Variants in SLC16A11 observed in about 807,000 individuals in gnomAD.
SLC16A11 encodes solute carrier family 16 member 11.
SLC16A11 carries 24 observed loss-of-function variants against 26.0 expected under a neutral mutation model. The ratio of observed to expected loss-of-function variants is 0.92; its 90% confidence interval spans 0.67 to 1.30. SLC16A11 has a LOEUF of 1.30. SLC16A11 is among the 50% of genes most tolerant of loss of function. SLC16A11 has a pLI of 0.00. For missense variants in SLC16A11, 638 were observed against 597.7 expected, an observed-to-expected ratio of 1.07 and a Z score of -0.70; for synonymous variants, 332 against 296.0, an observed-to-expected ratio of 1.12 and a Z score of -1.25.
At position 7,042,806 on chromosome 17, in the gene SLC16A11, C is replaced by G. The variant is rs765828197; in HGVS notation, c.347-43G>C. On this transcript the variant is annotated intron_variant, in intron 3 of 4. Transcript: ENST00000574600. This position sits in a 1 kb window ranked among gnomAD's most constrained non-coding sequence, Gnocchi z 5.9. ...GGGATGGGGGCCGGCACTGGGGACG[C>G]CCGCCCCAGCATTCCCAGCCCGGCT... is the stretch of plus-strand genomic sequence containing the variant. 2 of 1,550,734 alleles carry G rather than the reference C, an allele frequency of 1.3e-6. No individual in the cohort carries two copies. The highest frequency in any genetic ancestry group is 2.7e-5 in the African/African-American group (2 of 73,580).
rs1320209098 is a variant in SLC16A11, at chr17:7,041,847, G to T, written c.1176C>A (p.Ile392=). ...TASFLLSGSL[I]LSGSFIYIGL... is the part of the protein sequence containing the mutation. ...CTATGTAGATGAAGCTGCCGGAGAGGATCAAAGAACCAGACAGGAGGAAAG... is the reference window on the plus strand; with the variant it reads ...CTATGTAGATGAAGCTGCCGGAGAGTATCAAAGAACCAGACAGGAGGAAAG... The change falls in exon 5 of 5, where the codon ATC becomes ATA. Residue 392 remains isoleucine, a synonymous_variant. Coordinates refer to ENST00000574600, the MANE Select transcript of SLC16A11 (RefSeq NM_001370549.1). 6.2e-7 allele frequency: 1 copy of T among 1,614,018 alleles called. No homozygotes were observed. Among genetic ancestry groups the T allele is most frequent in the Non-Finnish European group, 8.5e-7 (1 of 1,179,962 alleles).
At position 7,041,763 on chromosome 17, in the gene SLC16A11, T is replaced by TG. The variant is rs1461142018; in HGVS notation, c.1259dup (p.Glu421ArgfsTer39). Reference sequence around the variant, plus strand: ...GAGCGGGAAGCAGCTCCCCCGTCTCTGGGGGAGGCGTGGCTGGAGGGGAGG... The same window carrying TG: ...GAGCGGGAAGCAGCTCCCCCGTCTCTGGGGGGAGGCGTGGCTGGAGGGGAGG... On this transcript the variant is annotated frameshift_variant, in exon 5 of 5. Transcript: ENST00000574600. LOFTEE classifies it low-confidence loss of function (END_TRUNC). 3 of 1,613,374 alleles carry TG rather than the reference T, an allele frequency of 1.9e-6. No individual in the cohort carries two copies. The Admixed American group carries it at 5.0e-5, about 27-fold the overall frequency.
At chr17:7,043,261 C>A (rs1366499098) in intron 2 of SLC16A11, 51 bp downstream of exon 2, 1 of 1,565,174 alleles carries the variant, frequency 6.4e-7, no homozygotes, top group Non-Finnish European at 8.6e-7. Flanking sequence ...CATCCCTCCA[C>A]TCACGGCTCC....
Position 7,041,924 on chromosome 17 carries a change from A to G in SLC16A11, c.1115-16T>C, listed in dbSNP as rs753103763. 1.6e-5 allele frequency: 26 copies of G among 1,611,862 alleles called. No homozygotes were observed. The highest frequency in any genetic ancestry group is 6.7e-5 in the Admixed American group (4 of 59,852). On this transcript the variant is annotated splice_polypyrimidine_tract_variant and intron_variant, in intron 4 of 4. Coordinates refer to ENST00000574600, the MANE Select transcript of SLC16A11 (RefSeq NM_001370549.1). Reference sequence around the variant, plus strand: ...CTTAGGAAGCCTGAGGAGATGGGTAAGGGCATTTAGAAGCCTCGAACCCCA... The same window carrying G: ...CTTAGGAAGCCTGAGGAGATGGGTAGGGGCATTTAGAAGCCTCGAACCCCA...
rs1177673954 is a variant in SLC16A11, at chr17:7,043,002, A to G, written c.274T>C (p.Ser92Pro). The part of the protein sequence containing the change: ...PVVMVGGVLA[S>P]LGFVFSAFAS... ...AAAGCCGAGAAGACGAAGCCCAGCGAGGCGAGGACGCCCCCAACCATCACC... is the reference window on the plus strand; with the variant it reads ...AAAGCCGAGAAGACGAAGCCCAGCGGGGCGAGGACGCCCCCAACCATCACC... Residue 92 changes from serine (S) to proline (P), a missense_variant, in exon 3 of 5, where the codon TCG (serine) becomes CCG (proline). Physicochemically the swap from Ser to Pro is moderately conservative, Grantham distance 74 (BLOSUM62 -1). Transcript: ENST00000574600. 4.4e-6 allele frequency: 7 copies of G among 1,604,174 alleles called. No individual in the cohort carries two copies. The highest frequency in any genetic ancestry group is 2.7e-5 in the African/African-American group (2 of 74,764).
At position 7,042,108 on chromosome 17, in the gene SLC16A11, C is replaced by G. The variant is rs774915327; in HGVS notation, c.1002G>C (p.Pro334=). 4.4e-6 allele frequency: 7 copies of G among 1,604,078 alleles called. No homozygotes were observed. Among genetic ancestry groups the G allele is most frequent in the Non-Finnish European group, 6.0e-6 (7 of 1,174,812 alleles). The change falls in exon 4 of 5, where the codon CCG becomes CCC. Residue 334 remains proline, a synonymous_variant. Transcript: ENST00000574600. The surrounding 1 kb of genome is among the most constrained non-coding windows in gnomAD (Gnocchi z 5.9). ...GCCCGGGGAGTACACCGAAAACCAG[C>G]GGGGCGTAACTCCCCGCGCTCAGCC... The part of the protein sequence containing the change: ...AYGLSAGSYA[P]LVFGVLPGLV...
chr17:7,041,856 A>T lies in SLC16A11; in HGVS notation c.1167T>A (p.Gly389=), dbSNP rs1467574255. ...GDFTASFLLS[G]SLILSGSFIY... is the part of the protein sequence containing the mutation. ...TGAAGCTGCCGGAGAGGATCAAAGA[A>T]CCAGACAGGAGGAAAGAGGCGGTGA... The change falls in exon 5 of 5, where the codon GGT becomes GGA. Residue 389 remains glycine (G), a synonymous_variant. Transcript: ENST00000574600. 6.2e-7 allele frequency: 1 copy of T among 1,614,030 alleles called. No homozygotes were observed. Among genetic ancestry groups the T allele is most frequent in the Non-Finnish European group, 8.5e-7 (1 of 1,179,952 alleles).
rs1910822396 is a variant in SLC16A11 at position 7,042,766 on chromosome 17, G to A, written c.347-3C>T. The A allele has an allele frequency of 1.3e-6, 2 of 1,538,020 alleles. No individual in the cohort carries two copies. Among genetic ancestry groups the A allele is most frequent in the Non-Finnish European group, 1.7e-6 (2 of 1,144,162 alleles). ...GAACACCAGGGCCCAACCAAAGCCT[G>A]CGAATGAATAGGAGGGGATGGGGGC... is the stretch of plus-strand genomic sequence containing the variant. On this transcript the variant is annotated splice_region_variant and splice_polypyrimidine_tract_variant and intron_variant, in intron 3 of 4. Transcript: ENST00000574600. This position sits in a 1 kb window ranked among gnomAD's most constrained non-coding sequence, Gnocchi z 5.9.
chr17:7,043,382 C>G lies in SLC16A11; in HGVS notation c.132G>C (p.Glu44Asp). Residue 44 changes from glutamate (E) to aspartate (D), a missense_variant, in exon 2 of 5, where the codon GAG (glutamate) becomes GAC (aspartate). Glu to Asp is a conservative substitution (Grantham distance 45, BLOSUM62 2). Coordinates refer to ENST00000574600, the MANE Select transcript of SLC16A11 (RefSeq NM_001370549.1). ...SLGLAFPDLA[E>D]HFDRSAQDTA... ...TGTCCTGGGCGCTTCGGTCAAAGTG[C>G]TCGGCAAGGTCAGGGAAGGCAAGGC... 6.2e-7 allele frequency: 1 copy of G among 1,610,266 alleles called. No individual in the cohort carries two copies. The highest frequency in any genetic ancestry group is 8.5e-7 in the Non-Finnish European group (1 of 1,179,812).
Position 7,041,732 on chromosome 17 carries a change from C to T in SLC16A11, c.1291G>A (p.Ala431Thr), listed in dbSNP as rs200560724. The change falls in exon 5 of 5, where the codon GCA (alanine) becomes ACA (threonine). Residue 431 changes from alanine (A) to threonine (T), a missense_variant. Coordinates refer to ENST00000574600, the MANE Select transcript of SLC16A11 (RefSeq NM_001370549.1). ...GGGCCTCCTGGGGACAGCAAGACTG[C>T]CTGGGGAGCGGGAAGCAGCTCCCCC... is the stretch of plus-strand genomic sequence containing the variant. ...ETGELLPAPQ[A>T]VLLSPGGPGS... 2.0e-5 allele frequency: 32 copies of T among 1,613,012 alleles called. No homozygotes were observed. The highest frequency in any genetic ancestry group is 3.4e-4 in the Middle Eastern group (2 of 5,868).
chr17:7,042,798 TG>T lies in SLC16A11; in HGVS notation c.347-36del. On this transcript the variant is annotated intron_variant, in intron 3 of 4. Coordinates refer to ENST00000574600, the MANE Select transcript of SLC16A11 (RefSeq NM_001370549.1). This position sits in a 1 kb window ranked among gnomAD's most constrained non-coding sequence, Gnocchi z 5.9. ...AATAGGAGGGGATGGGGGCCGGCAC[TG>T]GGGACGCCCGCCCCAGCATTCCCAG... 1 of 1,547,076 alleles carries T rather than the reference TG, an allele frequency of 6.5e-7. No individual in the cohort carries two copies. The highest frequency in any genetic ancestry group is 1.9e-5 in the Admixed American group (1 of 51,292).
In SLC16A11 at chr17:7,041,784, G is replaced by A. The variant is rs1045844887; in HGVS notation, c.1239C>T (p.Ser413=). The change falls in exon 5 of 5, where the codon TCC becomes TCT. Residue 413 remains serine (S), a synonymous_variant. Coordinates refer to ENST00000574600, the MANE Select transcript of SLC16A11 (RefSeq NM_001370549.1). ...PRALPSCGPA[S]PPATPPPETG... is the part of the protein sequence containing the mutation. ...TCTCTGGGGGAGGCGTGGCTGGAGG[G>A]GAGGCTGGACCACAGGAGGGCAGCG... is the stretch of plus-strand genomic sequence containing the variant. 9.3e-6 allele frequency: 15 copies of A among 1,613,626 alleles called. No individual in the cohort carries two copies. The highest frequency in any genetic ancestry group is 1.2e-5 in the Non-Finnish European group (14 of 1,179,968).
Position 7,042,022 on chromosome 17 carries a change from C to G in SLC16A11, c.1088G>C (p.Gly363Ala). 1.3e-6 allele frequency: 2 copies of G among 1,581,802 alleles called. No individual in the cohort carries two copies. Among genetic ancestry groups the G allele is most frequent in the Non-Finnish European group, 8.6e-7 (1 of 1,160,630 alleles). The change falls in exon 4 of 5, where the codon GGG becomes GCG. Residue 363 changes from glycine (G) to alanine (A), a missense_variant. Physicochemically the swap from Gly to Ala is moderately conservative, Grantham distance 60. Transcript: ENST00000574600. This position sits in a 1 kb window ranked among gnomAD's most constrained non-coding sequence, Gnocchi z 5.9. ...TGLVMMLMSL[G>A]GLLGPPLSGF... is the part of the protein sequence containing the mutation. The stretch of plus-strand genomic sequence containing the variant: ...TGACAGGGGAGGGCCCAGGAGCCCC[C>G]CGAGGCTCATCAGCATCATCACCAG...
At chr17:7,043,709 G>C (rs1385258320) in intron 1 of SLC16A11, 66 bp downstream of exon 1, 1 of 1,198,244 alleles carries the variant, frequency 8.3e-7, no homozygotes, top group African/African-American at 1.6e-5. Flanking sequence ...GCGAGGTACG[G>C]GGACGGGGAC....
In SLC16A11 at chr17:7,042,723, G is replaced by A; in HGVS notation, c.387C>T (p.Thr129=). Residue 129 remains threonine, a synonymous_variant, in exon 4 of 5, where the codon ACC becomes ACT. Coordinates refer to ENST00000574600, the MANE Select transcript of SLC16A11 (RefSeq NM_001370549.1). This position sits in a 1 kb window ranked among gnomAD's most constrained non-coding sequence, Gnocchi z 5.9. ...GACGGCGGGAGAAGTAACGCGAGAGGGTGCCTAGGGCGGGGGCGAACACCA... is the reference window on the plus strand; with the variant it reads ...GACGGCGGGAGAAGTAACGCGAGAGAGTGCCTAGGGCGGGGGCGAACACCA... The part of the protein sequence containing the change: ...WALVFAPALG[T]LSRYFSRRRV... 1 of 1,544,446 alleles carries A rather than the reference G, an allele frequency of 6.5e-7. No individual in the cohort carries two copies. Among genetic ancestry groups the A allele is most frequent in the East Asian group, 2.4e-5 (1 of 42,182 alleles).
Position 7,042,995 on chromosome 17 carries a change from C to T in SLC16A11, c.281G>A (p.Gly94Asp), listed in dbSNP as rs752869402. ...VMVGGVLASL[G>D]FVFSAFASDL... is the part of the protein sequence containing the mutation. ...GCTGGCGAAAGCCGAGAAGACGAAG[C>T]CCAGCGAGGCGAGGACGCCCCCAAC... Residue 94 changes from glycine (G) to aspartate (D), a missense_variant, in exon 3 of 5, where the codon GGC (glycine) becomes GAC (aspartate). By Grantham distance (94) the Gly-to-Asp change is moderately conservative (BLOSUM62 -1). Transcript: ENST00000574600. This position sits in a 1 kb window ranked among gnomAD's most constrained non-coding sequence, Gnocchi z 5.9. 6.2e-6 allele frequency: 10 copies of T among 1,608,234 alleles called. No individual in the cohort carries two copies. Among genetic ancestry groups the T allele is most frequent in the African/African-American group, 5.3e-5 (4 of 74,848 alleles).
Position 7,042,401 on chromosome 17 carries a change from G to A in SLC16A11, c.709C>T (p.Pro237Ser), listed in dbSNP as rs1193232489. 3 of 1,562,774 alleles carry A rather than the reference G, an allele frequency of 1.9e-6. No homozygotes were observed. Among genetic ancestry groups the A allele is most frequent in the Non-Finnish European group, 2.6e-6 (3 of 1,152,822 alleles). ...TALVGGGYFV[P>S]YVHLAPHALD... is the part of the protein sequence containing the mutation. Reference sequence around the variant, plus strand: ...GCGTGGGGAGCCAAGTGCACGTAAGGAACGAAGTACCCGCCCCCAACCAGG... The same window carrying A: ...GCGTGGGGAGCCAAGTGCACGTAAGAAACGAAGTACCCGCCCCCAACCAGG... The change falls in exon 4 of 5, where the codon CCT (proline) becomes TCT (serine). Residue 237 changes from proline to serine, a missense_variant. By Grantham distance (74) the Pro-to-Ser change is moderately conservative (BLOSUM62 -1). Coordinates refer to ENST00000574600, the MANE Select transcript of SLC16A11 (RefSeq NM_001370549.1). This position sits in a 1 kb window ranked among gnomAD's most constrained non-coding sequence, Gnocchi z 5.9.
At position 7,041,810 on chromosome 17, in the gene SLC16A11, C is replaced by T; in HGVS notation, c.1213G>A (p.Ala405Thr). The T allele has an allele frequency of 6.2e-7, 1 of 1,613,768 alleles. No homozygotes were observed. Among genetic ancestry groups the T allele is most frequent in the Non-Finnish European group, 8.5e-7 (1 of 1,179,938 alleles). ...GAGGCTGGACCACAGGAGGGCAGCG[C>T]CCTGGGCAACCCTATGTAGATGAAG... is the stretch of plus-strand genomic sequence containing the variant. ...GSFIYIGLPRALPSCGPASPP... is the reference protein window; with the variant it reads ...GSFIYIGLPRTLPSCGPASPP... The change falls in exon 5 of 5, where the codon GCG becomes ACG. Residue 405 changes from alanine to threonine, a missense_variant. Transcript: ENST00000574600.
rs746009321 is a variant in SLC16A11, at chr17:7,042,854, G to C, written c.346+76C>G. The C allele has an allele frequency of 6.3e-7, 1 of 1,596,414 alleles. No individual in the cohort carries two copies. Among genetic ancestry groups the C allele is most frequent in the Non-Finnish European group, 8.5e-7 (1 of 1,172,180 alleles). ...GCTCTCCGCACCAGGCCCCCGCCTC[G>C]TTCGCTACCCCAGATCCCAACAAGC... On this transcript the variant is annotated intron_variant, in intron 3 of 4. Coordinates refer to ENST00000574600, the MANE Select transcript of SLC16A11 (RefSeq NM_001370549.1). This position sits in a 1 kb window ranked among gnomAD's most constrained non-coding sequence, Gnocchi z 5.9.
Sources: allele counts gnomAD v4.1 joint callset, GRCh38; gene constraint gnomAD v4.1.1; non-coding constraint Gnocchi (gnomAD v3.1); transcripts MANE v1.5; gene names NCBI Gene and HGNC (gene_info 2026-07-23, HGNC 2026-07-21).